CHN2: variants seen among roughly 807,000 people sequenced by gnomAD.
CHN2 encodes chimerin 2, also known as beta-chimaerin.
A neutral mutation model predicts 56.3 loss-of-function variants in CHN2; 35 were observed. That is an observed-to-expected ratio of 0.62 (90% CI 0.47 to 0.82). The LOEUF (loss-of-function observed/expected upper bound fraction) is 0.82. Among genes scored for constraint, CHN2 ranks in the 40% least tolerant of loss-of-function variants. The pLI, the probability that CHN2 is intolerant of heterozygous loss-of-function variation, is 0.00. For missense variants in CHN2, 491 were observed against 580.5 expected, an observed-to-expected ratio of 0.85 and a Z score of 1.58; for synonymous variants, 210 against 212.8, an observed-to-expected ratio of 0.99 and a Z score of 0.12.
intron 2 of CHN2, among the ~76,000 whole-genome samples, chr7:29,169,564 G>A (rs371702933): frequency 3.9e-5 from 6 of 152,162 alleles, no homozygotes; most frequent in South Asian, 2.1e-4. Flanking sequence ...AGTAGCTGAC[G>A]GTGTACTGAA....
At chr7:29,511,836 TAG>T (rs1306476679) in intron 12 of CHN2, among the ~76,000 whole-genome samples, 1 of 152,128 alleles carries the variant, frequency 6.6e-6, no homozygotes, top group Non-Finnish European at 1.5e-5. Context: ...GGGAGATAGA[TAG>T]ATTGTAATTT....
At chr7:29,460,067 A>G (rs1030433152) in intron 6 of CHN2, among the ~76,000 whole-genome samples, 2 of 152,170 alleles carry the variant, frequency 1.3e-5, no homozygotes, top group African/African-American at 4.8e-5. Context: ...GCATATGTAC[A>G]TTGAATCACC....
At chr7:29,407,300 A>C (rs972017515) in intron 6 of CHN2, among the ~76,000 whole-genome samples, 1 of 151,354 alleles carries the variant, frequency 6.6e-6, no homozygotes, top group Non-Finnish European at 1.5e-5. Flanking sequence ...TTTTTTTTGG[A>C]TGGGATCCAC....
At chr7:29,213,118 C>A in intron 1 of CHN2, 1 of 1,587,214 alleles carries the variant, frequency 6.3e-7, no homozygotes, top group South Asian at 1.1e-5. Context: ...AGGGGAAGGC[C>A]TTAATGTAAT....
At chr7:29,355,633 C>T (rs1180290044) in intron 2 of CHN2, among the ~76,000 whole-genome samples, 1 of 152,026 alleles carries the variant, frequency 6.6e-6, no homozygotes, top group East Asian at 1.9e-4. Flanking sequence ...CTGGCTCAGG[C>T]TCTGCTTCTG....
chr7:29,506,123 T>C (rs1790534478), intron 10 of CHN2, among the ~76,000 whole-genome samples: 1 of 152,116 alleles, frequency 6.6e-6, no homozygotes, highest in Non-Finnish European at 1.5e-5. Context: ...ACGGTAAAAC[T>C]AAAAGTCAAA....
intron 2 of CHN2, among the ~76,000 whole-genome samples, chr7:29,150,798 C>T (rs245888): frequency 0.54 from 82,217 of 151,574 alleles, 22,748 homozygotes; most frequent in African/African-American, 0.66. Context: ...ATGGGGCCAC[C>T]GGGTAGCCTG....
At chr7:29,230,430 T>G (rs1786583319) in intron 1 of CHN2, among the ~76,000 whole-genome samples, 1 of 152,176 alleles carries the variant, frequency 6.6e-6, no homozygotes, top group African/African-American at 2.4e-5. Context: ...AGCCTGTGCC[T>G]CCCGGGCTCA....
chr7:29,253,590 G>A (rs777635946), intron 1 of CHN2, among the ~76,000 whole-genome samples: 11 of 152,208 alleles, frequency 7.2e-5, no homozygotes, highest in Non-Finnish European at 1.5e-4. Context: ...CTCTGGAATA[G>A]GTGGGAGATT....
chr7:29,398,311 T>G (rs1801929074), intron 4 of CHN2, 62 bp from the exon 5 acceptor site: 2 of 1,275,148 alleles, frequency 1.6e-6, no homozygotes, highest in Admixed American at 3.4e-5. Flanking sequence ...TTAAGGCTAG[T>G]TCTTTGTGGT....
chr7:29,194,464 G>T (rs1373315443), upstream of CHN2: 1 of 155,664 alleles, frequency 6.4e-6, no homozygotes, highest in African/African-American at 2.4e-5. Flanking sequence ...GAAGGGGGAG[G>T]TCGCTCTGTC....
At position 29,433,325 on chromosome 7, in the gene CHN2, TG is replaced by T. The variant is rs1782982503; in HGVS notation, c.576+32498del. 2.6e-5 allele frequency among the ~76,000 whole-genome samples: 4 copies of T among 152,272 alleles called. No homozygotes were observed. In the South Asian group the frequency reaches 8.3e-4, roughly 32 times the overall value. On this transcript the variant is annotated intron_variant, in intron 6 of 12. Coordinates refer to ENST00000222792, the MANE Select transcript of CHN2 (RefSeq NM_004067.4). ...TGTGAGTGAAATGGGATTTGAAAGA[TG>T]TGTAGAACTGGGAAGGACTGGGCTG...
At chr7:29,230,800 AT>A (rs1312771561) in intron 1 of CHN2, among the ~76,000 whole-genome samples, 1 of 151,916 alleles carries the variant, frequency 6.6e-6, no homozygotes, top group Non-Finnish European at 1.5e-5. Flanking sequence ...AAATCTTGAA[AT>A]TTTTTTTGTG....
intron 6 of CHN2, among the ~76,000 whole-genome samples, chr7:29,426,153 G>A (rs1804842110): frequency 6.9e-6 from 1 of 144,868 alleles, no homozygotes; most frequent in South Asian, 2.2e-4. Flanking sequence ...AGGCTGCAGT[G>A]AGCCGAGATC....
At chr7:29,472,199 C>T (rs1199878727) in intron 6 of CHN2, among the ~76,000 whole-genome samples, 1 of 149,816 alleles carries the variant, frequency 6.7e-6, no homozygotes, top group African/African-American at 2.4e-5. Flanking sequence ...AGCAAAAAAC[C>T]AGAGTGGACA....
intron 6 of CHN2, among the ~76,000 whole-genome samples, chr7:29,446,499 C>T (rs1163731184): frequency 6.6e-6 from 1 of 152,092 alleles, no homozygotes; most frequent in Non-Finnish European, 1.5e-5. Context: ...GTTAGCTCTG[C>T]GATTGCCCCA....
At chr7:29,185,567 T>C (rs1274212195) in intron 2 of CHN2, 2 of 151,990 alleles carry the variant, frequency 1.3e-5, no homozygotes, top group Non-Finnish European at 2.9e-5. Flanking sequence ...CTCATTTCTC[T>C]TATCAAACCT....
intron 1 of CHN2, among the ~76,000 whole-genome samples, chr7:29,281,594 G>T (rs538693879): frequency 6.6e-6 from 1 of 152,172 alleles, no homozygotes; most frequent in African/African-American, 2.4e-5. Flanking sequence ...AAGGTCTCCC[G>T]TGGCTATGAG....
chr7:29,387,350 A>G (rs1800996420), intron 3 of CHN2, among the ~76,000 whole-genome samples: 1 of 152,232 alleles, frequency 6.6e-6, no homozygotes, highest in African/African-American at 2.4e-5. Context: ...AGAGTCCCAC[A>G]GTAACTGGAT....
Sources: allele counts gnomAD v4.1 joint callset (sites outside exome capture counted in the v4.1 genomes callset), GRCh38; gene constraint gnomAD v4.1.1; transcripts MANE v1.5; gene names NCBI Gene and HGNC (gene_info 2026-07-23, HGNC 2026-07-21).